The following USP15 variants were observed in gnomAD, a reference collection of about 807,000 sequenced individuals.
The protein encoded by USP15 is ubiquitin carboxyl-terminal hydrolase 15.
USP15 carries 18 observed loss-of-function variants against 127.1 expected under a neutral mutation model. The observed-to-expected ratio is 0.14, with a 90% CI of 0.10 to 0.21. The LOEUF (loss-of-function observed/expected upper bound fraction) is 0.21, where lower values mean the gene tolerates loss of function less well. Ranked by LOEUF, USP15 falls within the 10% of genes least tolerant of loss-of-function variation. The pLI is 1.00. For missense variants in USP15, 805 were observed against 1,159.9 expected (o/e 0.69, Z 4.44); for synonymous variants, 364 against 393.7 (o/e 0.92, Z 0.89).
intron 8 of USP15, among the ~76,000 whole-genome samples, chr12:62,362,677 T>TTATTTGCTGG (rs1206381732): frequency 1.3e-5 from 2 of 152,126 alleles, no homozygotes; most frequent in African/African-American, 2.4e-5. Context: ...CAGCAAATAT[T>TTATTTGCTGG]TATTGAAGGT....
intron 1 of USP15, among the ~76,000 whole-genome samples, chr12:62,278,111 C>T (rs1045024780): frequency 1.3e-5 from 2 of 151,802 alleles, no homozygotes; most frequent in South Asian, 2.1e-4. Context: ...GTTTTTTTGC[C>T]GTAAACTAAG....
intron 1 of USP15, among the ~76,000 whole-genome samples, chr12:62,280,981 G>A (rs944308880): frequency 6.6e-6 from 1 of 152,046 alleles, no homozygotes; most frequent in African/African-American, 2.4e-5. Context: ...GTGAAAATTG[G>A]GCTTATCTGG....
chr12:62,391,511 G>A, intron 16 of USP15, 82 bp downstream of exon 16: 1 of 1,518,640 alleles, frequency 6.6e-7, no homozygotes, highest in Non-Finnish European at 8.9e-7. Context: ...ATGAAATTCA[G>A]CTCTGTCAAG....
intron 3 of USP15, among the ~76,000 whole-genome samples, chr12:62,306,503 T>C (rs2064486926): frequency 6.6e-6 from 1 of 152,118 alleles, no homozygotes; most frequent in Non-Finnish European, 1.5e-5. Flanking sequence ...TGGTCTTTGT[T>C]ATACAGTGGT....
At chr12:62,330,829 G>A (rs1336636214) in intron 6 of USP15, among the ~76,000 whole-genome samples, 2 of 151,416 alleles carry the variant, frequency 1.3e-5, no homozygotes, top group African/African-American at 4.9e-5. Flanking sequence ...CAGAAGCTGG[G>A]GTGGGAAGAT....
intron 1 of USP15, among the ~76,000 whole-genome samples, chr12:62,293,419 C>T (rs1473416285): frequency 6.6e-6 from 1 of 152,108 alleles, no homozygotes; most frequent in Admixed American, 6.6e-5. Flanking sequence ...TGCAGTGGTG[C>T]GATCCCGGCT....
intron 3 of USP15, chr12:62,303,597 C>T (rs567025392): frequency 6.6e-6 from 1 of 151,818 alleles, no homozygotes; most frequent in Non-Finnish European, 1.5e-5. Flanking sequence ...TTTGGGTCCC[C>T]CGACCCTCCC....
chr12:62,314,869 A>C lies in USP15; in HGVS notation c.428A>C (p.Asn143Thr). The C allele has an allele frequency of 6.3e-7, 1 of 1,598,584 alleles. No individual in the cohort carries two copies. The highest frequency in any genetic ancestry group is 8.5e-7 in the Non-Finnish European group (1 of 1,172,550). Reference protein sequence around the residue: ...LTELKLCENGNMNNVVTRRFS... With the variant: ...LTELKLCENGTMNNVVTRRFS... ...GAATTGAAGCTATGTGAAAATGGAA[A>C]CATGAATAATGTTGTAACTCGAAGA... is the stretch of plus-strand genomic sequence containing the variant. Residue 143 changes from asparagine (N) to threonine (T), a missense_variant, in exon 4 of 22, where the codon AAC (asparagine) becomes ACC (threonine). By Grantham distance (65) the Asn-to-Thr change is moderately conservative (BLOSUM62 0). Around this residue, in one of 11 missense-constraint regions of USP15, gnomAD observed 57 missense variants for 47.3 expected, o/e 1.20. Transcript: ENST00000280377.
At chr12:62,339,105 C>T (rs941290345) in intron 6 of USP15, among the ~76,000 whole-genome samples, 3 of 151,888 alleles carry the variant, frequency 2.0e-5, no homozygotes, top group Admixed American at 6.6e-5. Flanking sequence ...AGGTCCTTCA[C>T]GTCCATTGTA....
At chr12:62,327,998 G>C (rs887090275) in intron 6 of USP15, among the ~76,000 whole-genome samples, 3 of 152,050 alleles carry the variant, frequency 2.0e-5, no homozygotes, top group African/African-American at 7.2e-5. Context: ...AAGATTCTCA[G>C]AAAACTAAGA....
At chr12:62,270,624 T>C (rs1440870960) in intron 1 of USP15, among the ~76,000 whole-genome samples, 1 of 152,120 alleles carries the variant, frequency 6.6e-6, no homozygotes, top group African/African-American at 2.4e-5. Context: ...AAGATCATTC[T>C]TTTCCCTGTG....
chr12:62,333,941 T>G (rs2065379016), intron 6 of USP15: 1 of 152,160 alleles, frequency 6.6e-6, no homozygotes, highest in African/African-American at 2.4e-5. Flanking sequence ...TCAGGAAAAC[T>G]TGTGCTGATT....
intron 8 of USP15, among the ~76,000 whole-genome samples, chr12:62,368,802 C>T (rs542159106): frequency 1.3e-5 from 2 of 152,282 alleles, no homozygotes; most frequent in East Asian, 1.9e-4. Context: ...AGCCCATTTA[C>T]ATTTAAGGTG....
At chr12:62,391,717 A>T in intron 16 of USP15, 99 bp from the exon 17 acceptor site, 1 of 1,089,836 alleles carries the variant, frequency 9.2e-7, no homozygotes, top group South Asian at 1.8e-5. Context: ...AGTAGAAAAG[A>T]TTGCTGTTTG....
intron 7 of USP15, among the ~76,000 whole-genome samples, chr12:62,353,294 G>A (rs2066016926): frequency 6.6e-6 from 1 of 152,020 alleles, no homozygotes; most frequent in South Asian, 2.1e-4. Context: ...TGCTTTGCAA[G>A]TAAGTTTTTT....
At chr12:62,297,682 G>A (rs1169410212) in intron 2 of USP15, among the ~76,000 whole-genome samples, 2 of 152,216 alleles carry the variant, frequency 1.3e-5, no homozygotes, top group Non-Finnish European at 2.9e-5. Context: ...TTGGGTGGAA[G>A]TGAAGCTATT....
intron 8 of USP15, among the ~76,000 whole-genome samples, chr12:62,376,228 C>G (rs954716637): frequency 1.3e-5 from 2 of 151,870 alleles, no homozygotes; most frequent in Non-Finnish European, 2.9e-5. Flanking sequence ...TAAAAATAAC[C>G]TAGTTAATAA....
intron 4 of USP15, among the ~76,000 whole-genome samples, chr12:62,318,804 C>G (rs1159025800): frequency 6.6e-6 from 1 of 152,180 alleles, no homozygotes; most frequent in African/African-American, 2.4e-5. Context: ...ATTCCCACTT[C>G]TGCTCTTCCA....
At chr12:62,261,340 A>G (rs780314097) in intron 1 of USP15, among the ~76,000 whole-genome samples, 1 of 152,254 alleles carries the variant, frequency 6.6e-6, no homozygotes, top group Non-Finnish European at 1.5e-5. Flanking sequence ...GACCATATCA[A>G]GTGGCATCTA....
Sources: allele counts gnomAD v4.1 joint callset (sites outside exome capture counted in the v4.1 genomes callset), GRCh38; gene constraint gnomAD v4.1.1; regional missense constraint gnomAD v4.1.1; transcripts MANE v1.5; gene names NCBI Gene and HGNC (gene_info 2026-07-23, HGNC 2026-07-21).